The following ADCY1 variants were observed in gnomAD, a reference collection of about 807,000 sequenced individuals.
ADCY1 encodes the protein adenylate cyclase type 1.
In ADCY1, 28 loss-of-function variants were observed where a neutral mutation model predicts 105.4. The ratio of observed to expected loss-of-function variants is 0.27; its 90% CI spans 0.20 to 0.36. The LOEUF is 0.36. ADCY1 is among the 10% of genes least tolerant of loss of function. The pLI is 1.00. For synonymous variants in ADCY1, 655 were observed against 623.8 expected (o/e 1.05, Z -0.75); for missense variants, 977 against 1,434.2 (o/e 0.68, Z 5.15).
intron 8 of ADCY1, among the ~76,000 whole-genome samples, chr7:45,670,277 C>A: frequency 6.6e-6 from 1 of 152,200 alleles, no homozygotes; most frequent in Non-Finnish European, 1.5e-5. Flanking sequence ...TGAAGGACGG[C>A]TACCTTCCTC....
At chr7:45,704,699 C>A in intron 17 of ADCY1, 83 bp downstream of exon 17, 1 of 1,120,252 alleles carries the variant, frequency 8.9e-7, no homozygotes, top group Non-Finnish European at 1.3e-6. Flanking sequence ...GTAGCTTCCA[C>A]ACTGGGGTTT....
chr7:45,609,281 G>A (rs1175251686), intron 2 of ADCY1, among the ~76,000 whole-genome samples: 3 of 152,216 alleles, frequency 2.0e-5, no homozygotes, highest in Non-Finnish European at 4.4e-5. Context: ...CAGGGATGTA[G>A]CCTGTGCAGG....
chr7:45,694,074 G>C (rs9638990), intron 14 of ADCY1, among the ~76,000 whole-genome samples: 68,565 of 116,228 alleles, frequency 0.59, 20,782 homozygotes, highest in East Asian at 0.79. Flanking sequence ...ATGTAACTAA[G>C]CTGCACAATG....
chr7:45,678,714 C>CAAA (rs35743607), intron 10 of ADCY1, among the ~76,000 whole-genome samples: 4 of 96,450 alleles, frequency 4.1e-5, no homozygotes, highest in Admixed American at 1.2e-4. Flanking sequence ...ACTCTATCTA[C>CAAA]AAAAAAAAAA....
chr7:45,685,928 C>G, intron 12 of ADCY1, 34 bp from the exon 13 acceptor site: 1 of 1,591,362 alleles, frequency 6.3e-7, no homozygotes, highest in Non-Finnish European at 8.6e-7. Flanking sequence ...TTCACCTGCC[C>G]TTTGCTAAGC....
chr7:45,703,659 C>T lies in ADCY1; in HGVS notation c.2631C>T (p.Phe877=). The T allele has an allele frequency of 1.9e-6, 3 of 1,613,560 alleles. No individual in the cohort carries two copies. Among genetic ancestry groups the T allele is most frequent in the African/African-American group, 1.3e-5 (1 of 75,032 alleles). The change falls in exon 16 of 20, where the codon TTC becomes TTT. Residue 877 remains phenylalanine, a synonymous_variant. Transcript: ENST00000297323. The surrounding 1 kb of genome is among the most constrained non-coding windows in gnomAD (Gnocchi z 5.9). ...VGVMFASIPN[F]NDFYIELDGN... ...TCATGTTTGCCTCCATCCCCAACTTCAATGACTTCTACATCGAGCTGGACG... is the reference window on the plus strand; with the variant it reads ...TCATGTTTGCCTCCATCCCCAACTTTAATGACTTCTACATCGAGCTGGACG...
At chr7:45,697,060 C>T (rs1382015472) in intron 14 of ADCY1, among the ~76,000 whole-genome samples, 2 of 152,192 alleles carry the variant, frequency 1.3e-5, no homozygotes, top group East Asian at 3.8e-4. Flanking sequence ...TGGTAATTCC[C>T]TGATTTCAAT....
intron 1 of ADCY1, among the ~76,000 whole-genome samples, chr7:45,589,204 G>A (rs73694812): frequency 1.3e-5 from 2 of 152,092 alleles, no homozygotes; most frequent in African/African-American, 2.4e-5. Context: ...ATGAGGGCCC[G>A]AGAGGGTGTC....
intron 3 of ADCY1, among the ~76,000 whole-genome samples, chr7:45,612,428 A>G (rs1793616833): frequency 1.3e-5 from 2 of 152,210 alleles, no homozygotes; most frequent in Admixed American, 1.3e-4. Flanking sequence ...GCTGACACTA[A>G]TATCTGCCTT....
intron 2 of ADCY1, among the ~76,000 whole-genome samples, chr7:45,599,340 C>T (rs116571698): frequency 3.9e-5 from 6 of 151,978 alleles, no homozygotes; most frequent in African/African-American, 9.7e-5. Flanking sequence ...TCTTGTTCCC[C>T]TGTGGCTGGC....
chr7:45,690,477 G>A (rs1257647795), intron 14 of ADCY1, among the ~76,000 whole-genome samples: 1 of 152,178 alleles, frequency 6.6e-6, no homozygotes, highest in African/African-American at 2.4e-5. Flanking sequence ...ATGCAAAGAG[G>A]AACTGGGAAT....
At position 45,574,754 on chromosome 7, in the gene ADCY1, C is replaced by G; in HGVS notation, c.211C>G (p.Leu71Val). 7.0e-7 allele frequency: 1 copy of G among 1,433,688 alleles called. No individual in the cohort carries two copies. Among genetic ancestry groups the G allele is most frequent in the Middle Eastern group, 2.5e-4 (1 of 3,982 alleles). The allele number at this position is 1,433,688 out of a possible 1,614,324, so 88.8% of individuals were successfully genotyped here. The change falls in exon 1 of 20, where the codon CTG becomes GTG. Residue 71 changes from leucine (L) to valine (V), a missense_variant. Physicochemically the swap from Leu to Val is conservative, Grantham distance 32 (BLOSUM62 1). Around this residue, in one of 7 missense-constraint regions of ADCY1, gnomAD observed 209 missense variants for 222.5 expected, o/e 0.94. Transcript: ENST00000297323. This position sits in a 1 kb window ranked among gnomAD's most constrained non-coding sequence, Gnocchi z 7.0. The stretch of plus-strand genomic sequence containing the variant: ...GAAGGCGCTGGCCGTTCTCAGCCTG[C>G]TGGCGGGCGCGCTGGCGCTGGCCGA... Reference protein sequence around the residue: ...TLKALAVLSLLAGALALAELL... With the variant: ...TLKALAVLSLVAGALALAELL...
chr7:45,611,105 G>T (rs111667743), intron 3 of ADCY1, among the ~76,000 whole-genome samples: 1,834 of 151,666 alleles, frequency 0.012, 6 homozygotes, highest in African/African-American at 0.031. Flanking sequence ...GTGGGGAGGT[G>T]ATGGTGGATG....
chr7:45,687,315 G>A (rs1337281968), intron 14 of ADCY1, among the ~76,000 whole-genome samples: 2 of 152,120 alleles, frequency 1.3e-5, no homozygotes, highest in Non-Finnish European at 1.5e-5. Flanking sequence ...TGTGATCCTG[G>A]CAATGACTGC....
Position 45,717,503 on chromosome 7 carries a change from A to T in ADCY1, c.*3508A>T, listed in dbSNP as rs1785381187. The T allele has an allele frequency of 6.6e-6, 1 of 152,520 alleles. No individual in the cohort carries two copies. Among genetic ancestry groups the T allele is most frequent in the South Asian group, 2.1e-4 (1 of 4,830 alleles). 9.4% of individuals were successfully genotyped at this position (152,520 alleles called of 1,614,324 possible). On this transcript the variant is annotated 3_prime_UTR_variant, in exon 20 of 20. Transcript: ENST00000297323. ...GCCATTCGGGTAGGATTCTCTCTAAATTATTTATTGAAGAGGCTTTGTAAA... is the reference window on the plus strand; with the variant it reads ...GCCATTCGGGTAGGATTCTCTCTAATTTATTTATTGAAGAGGCTTTGTAAA...
chr7:45,680,849 A>T (rs1453554203), intron 11 of ADCY1, among the ~76,000 whole-genome samples: 1 of 152,262 alleles, frequency 6.6e-6, no homozygotes, highest in Admixed American at 6.5e-5. Context: ...TACAAATAGC[A>T]TTAGACATGC....
rs201341303 is a variant in ADCY1, at chr7:45,666,904, T to C, written c.1605+4690T>C. On this transcript the variant is annotated intron_variant, in intron 8 of 19. Coordinates refer to ENST00000297323, the MANE Select transcript of ADCY1 (RefSeq NM_021116.4). ...TGATGATGAGCATTTTTTCATGTGT[T>C]TTTTGGCTGCATAAATGTCTTCTTT... Among the ~76,000 whole-genome samples, 1,745 of 152,316 alleles carry C rather than the reference T, an allele frequency of 0.011. 57 individuals are homozygous for C. In the East Asian group the frequency reaches 0.13, roughly 12 times the overall value.
chr7:45,692,286 C>T (rs985833530), intron 14 of ADCY1, among the ~76,000 whole-genome samples: 1 of 152,216 alleles, frequency 6.6e-6, no homozygotes, highest in Non-Finnish European at 1.5e-5. Flanking sequence ...CCACCTGCCT[C>T]CATCCAACAG....
At chr7:45,711,734 T>C (rs1785242048) in intron 19 of ADCY1, among the ~76,000 whole-genome samples, 1 of 143,382 alleles carries the variant, frequency 7.0e-6, no homozygotes. Context: ...CATATATGTG[T>C]GTATATATAC....
Sources: gnomAD v4.1 joint callset for allele counts (sites outside exome capture counted in the v4.1 genomes callset) on GRCh38, gnomAD v4.1.1 for gene constraint, gnomAD v4.1.1 regional missense constraint, Gnocchi (gnomAD v3.1) non-coding constraint, MANE v1.5 for transcripts, NCBI Gene and HGNC (gene_info 2026-07-23, HGNC 2026-07-21) for gene names.